The following MYO16 variants were observed in gnomAD, a reference collection of about 807,000 sequenced individuals.
The protein encoded by MYO16 is unconventional myosin-XVI.
Under a neutral mutation model 205.3 loss-of-function variants are expected in MYO16, and 94 were observed. The ratio of observed to expected loss-of-function variants is 0.46; its 90% CI spans 0.39 to 0.54. The LOEUF (loss-of-function observed/expected upper bound fraction) is 0.54. MYO16 is among the 20% of genes least tolerant of loss of function. MYO16 has a pLI of 0.00. For missense variants in MYO16, 2,315 were observed against 2,387.5 expected (o/e 0.97, Z 0.63); for synonymous variants, 988 against 954.0 (o/e 1.04, Z -0.66).
intron 6 of MYO16, among the ~76,000 whole-genome samples, chr13:108,798,048 T>G (rs1019727795): frequency 6.9e-6 from 1 of 145,326 alleles, no homozygotes; most frequent in African/African-American, 2.6e-5. Context: ...AACAAGAAAG[T>G]AACAATGAAC....
intron 16 of MYO16, among the ~76,000 whole-genome samples, chr13:108,920,647 C>T (rs1291609235): frequency 5.3e-5 from 8 of 152,036 alleles, no homozygotes; most frequent in African/African-American, 1.4e-4. Flanking sequence ...TTAGTAGAGA[C>T]GGGGTTTCAC....
chr13:108,829,436 G>A (rs1723261183), intron 9 of MYO16, among the ~76,000 whole-genome samples: 1 of 152,102 alleles, frequency 6.6e-6, no homozygotes, highest in African/African-American at 2.4e-5. Flanking sequence ...CCTTCCGCTG[G>A]GTGCTTTTAA....
intron 34 of MYO16, among the ~76,000 whole-genome samples, chr13:109,180,184 G>A (rs936315818): frequency 2.0e-5 from 3 of 152,082 alleles, no homozygotes; most frequent in Non-Finnish European, 2.9e-5. Flanking sequence ...CTGATTGCAT[G>A]TAAATGTTTT....
intron 9 of MYO16, among the ~76,000 whole-genome samples, chr13:108,838,981 T>G (rs1877093120): frequency 6.6e-6 from 1 of 152,138 alleles, no homozygotes. Context: ...TAGTTCATTT[T>G]TTGTTACCTA....
At chr13:109,117,414 ATATATGTATATGTG>A (rs1875756035) in intron 28 of MYO16, among the ~76,000 whole-genome samples, 1 of 140,268 alleles carries the variant, frequency 7.1e-6, no homozygotes, top group African/African-American at 2.5e-5. Context: ...ATATATGTGT[ATATATGTATATGTG>A]TATATATATG....
chr13:108,702,909 G>T (rs1214323623), intron 2 of MYO16, among the ~76,000 whole-genome samples: 5 of 151,764 alleles, frequency 3.3e-5, no homozygotes, highest in Admixed American at 2.6e-4. Context: ...GTAATCCCTA[G>T]GGAAATTATG....
chr13:109,182,738 G>T (rs1346286633), intron 34 of MYO16, among the ~76,000 whole-genome samples: 1 of 152,066 alleles, frequency 6.6e-6, no homozygotes, highest in Non-Finnish European at 1.5e-5. Context: ...GATAGGGCTG[G>T]AGCCTTAATA....
intron 1 of MYO16, among the ~76,000 whole-genome samples, chr13:108,599,544 G>A (rs1170766159): frequency 1.3e-5 from 2 of 152,092 alleles, no homozygotes; most frequent in African/African-American, 2.4e-5. Context: ...ATCAGTCATA[G>A]GTCACAGTCA....
At chr13:109,123,938 T>C (rs1432070747) in intron 29 of MYO16, among the ~76,000 whole-genome samples, 1 of 152,248 alleles carries the variant, frequency 6.6e-6, no homozygotes, top group East Asian at 1.9e-4. Flanking sequence ...TTGGCTTTCC[T>C]GAAATTATAA....
chr13:108,991,413 C>T (rs972186102), intron 20 of MYO16, among the ~76,000 whole-genome samples: 1 of 152,142 alleles, frequency 6.6e-6, no homozygotes, highest in Non-Finnish European at 1.5e-5. Context: ...TTCAAAAGTT[C>T]TGCTTTTTTC....
intron 2 of MYO16, among the ~76,000 whole-genome samples, chr13:108,708,286 A>G (rs1008622397): frequency 2.0e-5 from 3 of 152,212 alleles, no homozygotes; most frequent in Non-Finnish European, 4.4e-5. Flanking sequence ...TGTTAATGAG[A>G]TAAGATACAA....
intron 16 of MYO16, among the ~76,000 whole-genome samples, chr13:108,923,950 A>G (rs1881862871): frequency 6.6e-6 from 1 of 152,122 alleles, no homozygotes; most frequent in Non-Finnish European, 1.5e-5. Flanking sequence ...GTTACATTTC[A>G]TGTTGTTAAC....
chr13:108,617,789 CT>C (rs906871694), intron 1 of MYO16, among the ~76,000 whole-genome samples: 31 of 152,306 alleles, frequency 2.0e-4, no homozygotes, highest in Middle Eastern at 3.4e-3. Flanking sequence ...AAGGACAAGA[CT>C]TACTGAGTAC....
intron 1 of MYO16, among the ~76,000 whole-genome samples, chr13:108,614,020 T>TA (rs573107336): frequency 4.6e-5 from 7 of 151,996 alleles, no homozygotes; most frequent in Non-Finnish European, 1.0e-4. Context: ...TAATTCAGAT[T>TA]AAAAAATGAG....
chr13:108,976,662 GA>G (rs1361498567), intron 20 of MYO16, among the ~76,000 whole-genome samples: 2 of 152,082 alleles, frequency 1.3e-5, no homozygotes, highest in African/African-American at 4.8e-5. Flanking sequence ...CGTAATAAAT[GA>G]ATTTATGTTT....
intron 20 of MYO16, among the ~76,000 whole-genome samples, chr13:108,967,151 A>G (rs1347393014): frequency 7.6e-6 from 1 of 132,124 alleles, no homozygotes; most frequent in African/African-American, 3.0e-5. Context: ...TACTGACTAT[A>G]TATATGTGTG....
the MYO16 span, among the ~76,000 whole-genome samples, chr13:108,544,501 T>G: frequency 2.0e-5 from 3 of 152,218 alleles, no homozygotes; most frequent in Non-Finnish European, 4.4e-5. Context: ...ATTCATCCCT[T>G]CAAGCATTTG....
At chr13:109,183,161 T>C (rs1449733235) in intron 34 of MYO16, among the ~76,000 whole-genome samples, 1 of 152,260 alleles carries the variant, frequency 6.6e-6, no homozygotes, top group African/African-American at 2.4e-5. Flanking sequence ...TTTAAAAGTT[T>C]ATGCTATTTG....
At chr13:108,532,650 G>A in the MYO16 span, among the ~76,000 whole-genome samples, 1 of 151,850 alleles carries the variant, frequency 6.6e-6, no homozygotes, top group Non-Finnish European at 1.5e-5. Context: ...AATTATCTGG[G>A]CATGGTGGCA....
Sources: allele counts gnomAD v4.1 joint callset (sites outside exome capture counted in the v4.1 genomes callset), GRCh38; gene constraint gnomAD v4.1.1; transcripts MANE v1.5; gene names NCBI Gene and HGNC (gene_info 2026-07-23, HGNC 2026-07-21).